HIVEP3: variants seen among roughly 807,000 people sequenced by gnomAD.
The protein encoded by HIVEP3 is transcription factor HIVEP3.
HIVEP3 carries 49 observed loss-of-function variants against 152.8 expected under a neutral mutation model. The ratio of observed to expected loss-of-function variants is 0.32; its 90% CI spans 0.26 to 0.41. HIVEP3 has a LOEUF of 0.41. HIVEP3 is among the 10% of genes least tolerant of loss of function. The pLI, the probability that HIVEP3 is intolerant of heterozygous loss-of-function variation, is 1.00. For missense variants in HIVEP3, 2,790 were observed against 3,103.3 expected (o/e 0.90, Z 2.40); for synonymous variants, 1,269 against 1,289.0 (o/e 0.98, Z 0.33).
intron 2 of HIVEP3, 87 bp from the exon 3 acceptor site, chr1:41,629,034 G>T (rs1193870150): frequency 9.7e-7 from 1 of 1,028,382 alleles, no homozygotes; most frequent in Non-Finnish European, 1.2e-6. Flanking sequence ...GGTCCCTGGA[G>T]GACACACCCC....
intron 1 of HIVEP3, among the ~76,000 whole-genome samples, chr1:41,760,470 C>A (rs981371896): frequency 6.6e-6 from 1 of 152,182 alleles, no homozygotes; most frequent in Non-Finnish European, 1.5e-5. Context: ...CTTGGTTAAT[C>A]CCTCTTCTGT....
chr1:41,759,948 T>G (rs1029196271), intron 1 of HIVEP3, among the ~76,000 whole-genome samples: 2 of 152,210 alleles, frequency 1.3e-5, no homozygotes, highest in African/African-American at 4.8e-5. Flanking sequence ...TACCTGGCCC[T>G]ATTGTTCAGT....
chr1:41,734,732 C>T (rs917934292), intron 1 of HIVEP3, among the ~76,000 whole-genome samples: 2 of 152,200 alleles, frequency 1.3e-5, no homozygotes, highest in African/African-American at 4.8e-5. Context: ...GCAGGACCCA[C>T]AGCAGCCAGC....
intron 3 of HIVEP3, among the ~76,000 whole-genome samples, chr1:41,618,994 T>TG (rs1346160087): frequency 6.6e-6 from 1 of 152,240 alleles, no homozygotes; most frequent in Non-Finnish European, 1.5e-5. Flanking sequence ...GCCTCCTAGC[T>TG]GGCCTCGGGC....
At chr1:41,773,803 T>C (rs1648524344) in intron 1 of HIVEP3, among the ~76,000 whole-genome samples, 1 of 152,232 alleles carries the variant, frequency 6.6e-6, no homozygotes, top group Non-Finnish European at 1.5e-5. Context: ...TTAAGGGCTG[T>C]CTCCATTCTC....
At chr1:41,575,786 C>G in intron 4 of HIVEP3, 97 bp from the exon 5 acceptor site, 1 of 1,311,262 alleles carries the variant, frequency 7.6e-7, no homozygotes, top group Admixed American at 1.9e-5. Context: ...CAGTACTGCA[C>G]AAGTACACAT....
intron 1 of HIVEP3, among the ~76,000 whole-genome samples, chr1:41,806,936 C>A (rs1650658939): frequency 6.6e-6 from 1 of 152,144 alleles, no homozygotes; most frequent in African/African-American, 2.4e-5. Context: ...CCTACACCTT[C>A]AGGAGGATGG....
At chr1:41,572,704 G>A (rs567204317) in intron 5 of HIVEP3, among the ~76,000 whole-genome samples, 2 of 152,344 alleles carry the variant, frequency 1.3e-5, no homozygotes, top group South Asian at 4.1e-4. Context: ...CACTGAAATG[G>A]AGGTCAAGAA....
Position 41,580,937 on chromosome 1 carries a change from T to C in HIVEP3, c.3861A>G (p.Leu1287=), listed in dbSNP as rs1270174590. ...AGCTGGCTGGGGGAGCCACAGGGGG[T>C]AGCCGGATGTCACTGCTGTACTCTG... ...PSTEYSSDIR[L]PPVAPPASSS... Residue 1287 remains leucine, a synonymous_variant, in exon 4 of 9, where the codon CTA becomes CTG. Coordinates refer to ENST00000372583, the MANE Select transcript of HIVEP3 (RefSeq NM_024503.5). The C allele has an allele frequency of 6.2e-7, 1 of 1,611,998 alleles. No individual in the cohort carries two copies. The highest frequency in any genetic ancestry group is 1.7e-5 in the Admixed American group (1 of 59,826).
intron 1 of HIVEP3, among the ~76,000 whole-genome samples, chr1:41,914,675 T>C (rs879741561): frequency 6.6e-6 from 1 of 152,212 alleles, no homozygotes; most frequent in African/African-American, 2.4e-5. Context: ...CAGCACGATG[T>C]CTGAACTGAA....
chr1:41,869,385 C>T (rs184469998), intron 1 of HIVEP3, among the ~76,000 whole-genome samples: 106 of 152,272 alleles, frequency 7.0e-4, no homozygotes, highest in African/African-American at 2.6e-3. Flanking sequence ...CAAACGGAAA[C>T]CCCACTCAGT....
rs193080585 is a variant in HIVEP3, at chr1:41,874,535, G to A, written c.-801+43878C>T. ...TTCAGCAGCAGGGCAGCTGCCAAAC[G>A]CTTTCCTGCCCTTGCAGAAAGCCAC... is the stretch of plus-strand genomic sequence containing the variant. On this transcript the variant is annotated intron_variant, in intron 1 of 8. Coordinates refer to ENST00000372583, the MANE Select transcript of HIVEP3 (RefSeq NM_024503.5). 2.5e-3 allele frequency among the ~76,000 whole-genome samples: 374 copies of A among 152,262 alleles called. 2 individuals carry two copies. Among genetic ancestry groups the A allele is most frequent in the African/African-American group, 8.4e-3 (350 of 41,524 alleles).
chr1:41,667,813 G>T (rs1645818578), intron 2 of HIVEP3, among the ~76,000 whole-genome samples: 1 of 152,156 alleles, frequency 6.6e-6, no homozygotes, highest in Non-Finnish European at 1.5e-5. Context: ...AAGAGAAAAT[G>T]CATTTAAAGT....
At chr1:41,774,823 GC>G (rs1263511796) in intron 1 of HIVEP3, among the ~76,000 whole-genome samples, 1 of 133,244 alleles carries the variant, frequency 7.5e-6, no homozygotes, top group Admixed American at 7.3e-5. Flanking sequence ...TTGAGACTGG[GC>G]CTCACTCTGT....
chr1:41,867,045 C>T (rs896834537), intron 1 of HIVEP3, among the ~76,000 whole-genome samples: 1 of 152,206 alleles, frequency 6.6e-6, no homozygotes, highest in African/African-American at 2.4e-5. Context: ...TCCTCACCAC[C>T]ACCATGATGG....
chr1:41,611,518 C>T (rs963241570), intron 3 of HIVEP3, among the ~76,000 whole-genome samples: 1 of 152,250 alleles, frequency 6.6e-6, no homozygotes, highest in Non-Finnish European at 1.5e-5. Context: ...GATGAGGACA[C>T]AAAGGCACCG....
At chr1:41,820,842 G>A (rs1179949928) in intron 1 of HIVEP3, among the ~76,000 whole-genome samples, 1 of 152,236 alleles carries the variant, frequency 6.6e-6, no homozygotes, top group Non-Finnish European at 1.5e-5. Flanking sequence ...CTAGCACAGA[G>A]TAGGAACTCA....
intron 1 of HIVEP3, among the ~76,000 whole-genome samples, chr1:41,900,585 C>T (rs925876580): frequency 3.3e-5 from 5 of 152,130 alleles, no homozygotes; most frequent in Admixed American, 2.0e-4. Context: ...TCTCCCCACT[C>T]CCTGTGCTCC....
intron 1 of HIVEP3, among the ~76,000 whole-genome samples, chr1:41,971,164 T>A (rs1376524338): frequency 6.6e-6 from 1 of 152,182 alleles, no homozygotes; most frequent in Non-Finnish European, 1.5e-5. Context: ...CACCGCAGGG[T>A]ATTCTGTGTT....
Sources: gnomAD v4.1 joint callset for allele counts (sites outside exome capture counted in the v4.1 genomes callset) on GRCh38, gnomAD v4.1.1 for gene constraint, MANE v1.5 for transcripts, NCBI Gene and HGNC (gene_info 2026-07-23, HGNC 2026-07-21) for gene names.